TRPM3: variants seen among roughly 807,000 people sequenced by gnomAD.
TRPM3 encodes long transient receptor potential channel 3.
In TRPM3, 77 loss-of-function variants were observed where a neutral mutation model predicts 181.2. The observed-to-expected ratio is 0.42, with a 90% CI of 0.35 to 0.51. The LOEUF is 0.51. TRPM3 is among the 20% of genes least tolerant of loss of function. The pLI is 0.01. For synonymous variants in TRPM3, 745 were observed against 796.4 expected (o/e 0.94, Z 1.09); for missense variants, 1,759 against 2,196.7 (o/e 0.80, Z 3.98).
intron 1 of TRPM3, among the ~76,000 whole-genome samples, chr9:71,221,236 A>G (rs950317231): frequency 2.6e-5 from 4 of 152,176 alleles, no homozygotes; most frequent in African/African-American, 9.7e-5. Context: ...TTCATTAGGT[A>G]TTACCTACAA....
rs191297555 is a variant in TRPM3, at chr9:70,552,823, C to T, written c.3574+21G>A. 165 of 1,612,662 alleles carry T rather than the reference C, an allele frequency of 1.0e-4. No individual in the cohort carries two copies. In the African/African-American group the frequency reaches 1.1e-3, roughly 11 times the overall value. On this transcript the variant is annotated intron_variant, in intron 24 of 25. Transcript: ENST00000677713. ...TAGGGATTTCTGATTTGTGGCAGCT[C>T]GGCTGTCGCTTGAAGCTTACTCAGG...
chr9:71,092,369 A>T (rs1463903502), intron 1 of TRPM3, among the ~76,000 whole-genome samples: 1 of 152,186 alleles, frequency 6.6e-6, no homozygotes, highest in Non-Finnish European at 1.5e-5. Context: ...ACCAATTTTC[A>T]TAAGTATGAG....
chr9:70,772,806 G>C (rs2080587292), intron 7 of TRPM3, among the ~76,000 whole-genome samples: 1 of 151,686 alleles, frequency 6.6e-6, no homozygotes, highest in African/African-American at 2.4e-5. Flanking sequence ...CAGTAGAAGT[G>C]AAGTGCTGCC....
chr9:70,669,869 T>A (rs4345629), intron 9 of TRPM3, among the ~76,000 whole-genome samples: 1 of 151,092 alleles, frequency 6.6e-6, no homozygotes, highest in Non-Finnish European at 1.5e-5. Flanking sequence ...CCTGAGTAGC[T>A]GGGACTACAG....
chr9:70,556,987 G>A (rs577865993), intron 22 of TRPM3, among the ~76,000 whole-genome samples: 1 of 152,158 alleles, frequency 6.6e-6, no homozygotes, highest in East Asian at 1.9e-4. Flanking sequence ...GAGCTTCTCA[G>A]GAACTATGTT....
chr9:70,686,117 T>C (rs992246078), intron 8 of TRPM3, among the ~76,000 whole-genome samples: 3 of 151,438 alleles, frequency 2.0e-5, no homozygotes, highest in Non-Finnish European at 4.4e-5. Context: ...CATGTGTATA[T>C]ATACACACAC....
intron 1 of TRPM3, among the ~76,000 whole-genome samples, chr9:71,264,744 G>A (rs2083276059): frequency 6.6e-6 from 1 of 152,112 alleles, no homozygotes; most frequent in Non-Finnish European, 1.5e-5. Flanking sequence ...AATCTAGACA[G>A]GTGTACTTGC....
chr9:70,870,150 G>A (rs76511952), intron 1 of TRPM3, among the ~76,000 whole-genome samples: 2,389 of 151,998 alleles, frequency 0.016, 69 homozygotes, highest in African/African-American at 0.054. Context: ...CTGTTAATGC[G>A]CCTAGTACGT....
At chr9:70,743,819 TAAAAGGA>T in intron 8 of TRPM3, among the ~76,000 whole-genome samples, 1 of 152,184 alleles carries the variant, frequency 6.6e-6, no homozygotes, top group Non-Finnish European at 1.5e-5. Context: ...AGTAAGCTAT[TAAAAGGA>T]ATAAAATAAT....
chr9:71,321,834 A>G (rs1194705455), intron 1 of TRPM3, among the ~76,000 whole-genome samples: 3 of 152,152 alleles, frequency 2.0e-5, no homozygotes, highest in Admixed American at 2.0e-4. Flanking sequence ...AATTTTTAGC[A>G]TATGCAGAAG....
chr9:71,420,046 A>G (rs2131524392), intron 1 of TRPM3, among the ~76,000 whole-genome samples: 1 of 152,162 alleles, frequency 6.6e-6, no homozygotes, highest in African/African-American at 2.4e-5. Flanking sequence ...TCAGATTTAA[A>G]GTTTTCTGTT....
At chr9:71,261,603 A>G (rs2083058579) in intron 1 of TRPM3, among the ~76,000 whole-genome samples, 1 of 152,210 alleles carries the variant, frequency 6.6e-6, no homozygotes, top group African/African-American at 2.4e-5. Context: ...TGGAATGTTC[A>G]GCCTTTTCAT....
chr9:71,064,164 G>C (rs1831311), intron 1 of TRPM3, among the ~76,000 whole-genome samples: 9,845 of 151,938 alleles, frequency 0.065, 486 homozygotes, highest in African/African-American at 0.13. Flanking sequence ...AATTCTTTTC[G>C]GTAAATCCTT....
At chr9:71,193,746 A>G (rs1027114904) in intron 1 of TRPM3, among the ~76,000 whole-genome samples, 2 of 151,916 alleles carry the variant, frequency 1.3e-5, no homozygotes, top group African/African-American at 2.4e-5. Context: ...GTTACCATCC[A>G]CCGGATTCCA....
chr9:70,994,327 C>G (rs752062077), intron 1 of TRPM3, among the ~76,000 whole-genome samples: 6 of 151,972 alleles, frequency 3.9e-5, no homozygotes, highest in Admixed American at 3.9e-4. Flanking sequence ...GTTAGTAATC[C>G]CAGTTGCTAG....
At chr9:71,432,752 C>T (rs1268283219) in intron 1 of TRPM3, among the ~76,000 whole-genome samples, 2 of 152,024 alleles carry the variant, frequency 1.3e-5, no homozygotes, top group East Asian at 3.9e-4. Flanking sequence ...TGATATGAAG[C>T]CAAAAAATGG....
rs182004988 is a variant in TRPM3, at chr9:70,926,510, A to G, written c.178-61999T>C. On this transcript the variant is annotated intron_variant, in intron 1 of 25. Transcript: ENST00000677713. ...TGTTTGGCATTTGAAAAAGAGGAAG[A>G]TATATAACAAATGTTGAACTACTTT... Among the ~76,000 whole-genome samples the G allele has an allele frequency of 4.7e-3, 714 of 152,314 alleles. 3 individuals carry two copies. Among genetic ancestry groups the G allele is most frequent in the Middle Eastern group, 0.014 (4 of 294 alleles).
chr9:70,857,135 T>C (rs1301060634), intron 3 of TRPM3, among the ~76,000 whole-genome samples: 1 of 152,168 alleles, frequency 6.6e-6, no homozygotes, highest in Non-Finnish European at 1.5e-5. Context: ...TCTTCTCCCT[T>C]TGTCTCTATG....
chr9:70,676,966 C>T (rs1000166530), intron 9 of TRPM3, among the ~76,000 whole-genome samples: 1 of 130,388 alleles, frequency 7.7e-6, no homozygotes, highest in Non-Finnish European at 1.6e-5. Context: ...CCCACTTCTC[C>T]TGTCCTTCTG....
Sources: gnomAD v4.1 joint callset for allele counts (sites outside exome capture counted in the v4.1 genomes callset) on GRCh38, gnomAD v4.1.1 for gene constraint, MANE v1.5 for transcripts, NCBI Gene and HGNC (gene_info 2026-07-23, HGNC 2026-07-21) for gene names.